KCNA3: variants seen among roughly 807,000 people sequenced by gnomAD.
KCNA3 encodes the protein RP11-284N8.3.
A neutral mutation model predicts 34.3 loss-of-function variants in KCNA3; 18 were observed. The observed-to-expected ratio is 0.52, with a 90% CI of 0.36 to 0.78. The LOEUF (loss-of-function observed/expected upper bound fraction) is 0.78. Among genes scored for constraint, KCNA3 ranks in the 30% least tolerant of loss-of-function variants. KCNA3 has a pLI of 0.00. For missense variants in KCNA3, 587 were observed against 802.5 expected (o/e 0.73, Z 3.24); for synonymous variants, 324 against 351.7 (o/e 0.92, Z 0.88).
At chr1:110,666,568 C>A in the KCNA3 span, among the ~76,000 whole-genome samples, 3 of 152,094 alleles carry the variant, frequency 2.0e-5, no homozygotes, top group Non-Finnish European at 2.9e-5. Context: ...AACAAGAAGA[C>A]CCTGAAAGAA....
chr1:110,665,185 A>G, the KCNA3 span, among the ~76,000 whole-genome samples: 1 of 152,242 alleles, frequency 6.6e-6, no homozygotes, highest in African/African-American at 2.4e-5. Flanking sequence ...AAATGTTTTT[A>G]AAGAATCACT....
the KCNA3 span, among the ~76,000 whole-genome samples, chr1:110,658,285 G>T: frequency 8.0e-4 from 122 of 152,172 alleles, no homozygotes; most frequent in African/African-American, 2.8e-3. Flanking sequence ...TCTTGGCTTT[G>T]CTACTGAAAT....
the KCNA3 span, among the ~76,000 whole-genome samples, chr1:110,665,853 G>A: frequency 2.6e-5 from 4 of 152,136 alleles, no homozygotes; most frequent in Admixed American, 2.0e-4. Flanking sequence ...AAATTGAAAT[G>A]AGAACTGAGA....
In KCNA3 at chr1:110,673,829, G is replaced by A; in HGVS notation, c.981C>T (p.Ile327=). ...TGGCCACAATGTCGATCAGGTTCAT[G>A]ATGTTTCGCGAGAAGGTGGCTTTGC... ...CPSKATFSRN[I]MNLIDIVAII... Residue 327 remains isoleucine, a synonymous_variant, in exon 1 of 1, where the codon ATC becomes ATT. Transcript: ENST00000369769. This position sits in a 1 kb window ranked among gnomAD's most constrained non-coding sequence, Gnocchi z 8.8. 2 of 1,614,168 alleles carry A rather than the reference G, an allele frequency of 1.2e-6. No individual in the cohort carries two copies. Among genetic ancestry groups the A allele is most frequent in the Non-Finnish European group, 1.7e-6 (2 of 1,180,034 alleles).
the KCNA3 span, among the ~76,000 whole-genome samples, chr1:110,659,654 T>C: frequency 6.6e-6 from 1 of 152,250 alleles, no homozygotes; most frequent in East Asian, 1.9e-4. Context: ...AGACTTTATG[T>C]CAATAGAAAA....
chr1:110,674,209 C>G lies in KCNA3; in HGVS notation c.601G>C (p.Glu201Gln). The change falls in exon 1 of 1, where the codon GAG becomes CAG. Residue 201 changes from glutamate to glutamine, a missense_variant. Coordinates refer to ENST00000369769, the MANE Select transcript of KCNA3 (RefSeq NM_002232.5). This position sits in a 1 kb window ranked among gnomAD's most constrained non-coding sequence, Gnocchi z 6.4. ...EEAMEKFREDEGFLREEERPL... is the reference protein window; with the variant it reads ...EEAMEKFREDQGFLREEERPL... ...CGCTCCTCCTCCCGCAGGAAGCCCT[C>G]GTCCTCGCGGAACTTCTCCATGGCC... 6.2e-7 allele frequency: 1 copy of G among 1,613,348 alleles called. No individual in the cohort carries two copies. Among genetic ancestry groups the G allele is most frequent in the Non-Finnish European group, 8.5e-7 (1 of 1,179,554 alleles).
downstream of KCNA3, among the ~76,000 whole-genome samples, chr1:110,671,897 A>T (rs1168944591): frequency 6.6e-6 from 1 of 152,238 alleles, no homozygotes; most frequent in African/African-American, 2.4e-5. Flanking sequence ...TATTGTGGTT[A>T]ATATCTAACA....
the KCNA3 span, among the ~76,000 whole-genome samples, chr1:110,666,215 T>C: frequency 2.6e-5 from 4 of 152,200 alleles, no homozygotes; most frequent in Non-Finnish European, 5.9e-5. Context: ...ACATAAGTAA[T>C]AGTATTTCTT....
At chr1:110,658,051 A>C in the KCNA3 span, among the ~76,000 whole-genome samples, 5 of 152,312 alleles carry the variant, frequency 3.3e-5, no homozygotes, top group African/African-American at 1.2e-4. Flanking sequence ...TTAGACTTTC[A>C]TTTTTTCCTG....
the KCNA3 span, among the ~76,000 whole-genome samples, chr1:110,657,430 C>T: frequency 3.9e-5 from 6 of 152,208 alleles, no homozygotes; most frequent in East Asian, 1.9e-4. Context: ...GAATCCAGCA[C>T]GCCCATCTTG....
At chr1:110,666,031 G>T in the KCNA3 span, among the ~76,000 whole-genome samples, 1 of 152,236 alleles carries the variant, frequency 6.6e-6, no homozygotes, top group Non-Finnish European at 1.5e-5. Flanking sequence ...GGAAGAAACA[G>T]AAATTAATCA....
chr1:110,664,230 T>C, the KCNA3 span, among the ~76,000 whole-genome samples: 1 of 152,216 alleles, frequency 6.6e-6, no homozygotes, highest in Non-Finnish European at 1.5e-5. Flanking sequence ...TTAGTCAACA[T>C]GTTTATGTTA....
downstream of KCNA3, among the ~76,000 whole-genome samples, chr1:110,669,156 C>T (rs921110207): frequency 1.2e-4 from 18 of 152,180 alleles, 1 homozygote; most frequent in African/African-American, 4.1e-4. Context: ...TTTCTTCCCT[C>T]TTAATAAGGG....
chr1:110,671,053 C>CT (rs1651871013), downstream of KCNA3, among the ~76,000 whole-genome samples: 1 of 152,026 alleles, frequency 6.6e-6, no homozygotes, highest in Admixed American at 6.6e-5. Flanking sequence ...ATTTTTAACC[C>CT]TTTTTTGTTT....
At position 110,674,320 on chromosome 1, in the gene KCNA3, G is replaced by T; in HGVS notation, c.490C>A (p.Gln164Lys). The T allele has an allele frequency of 6.2e-7, 1 of 1,614,196 alleles. No individual in the cohort carries two copies. Among genetic ancestry groups the T allele is most frequent in the Non-Finnish European group, 8.5e-7 (1 of 1,180,026 alleles). ...GGCCGGCGGATGCGGCCCCCGGACT[G>T]ATAGTAGTAGAGGATGGCGTCGAAG... is the stretch of plus-strand genomic sequence containing the variant. ...PSFDAILYYY[Q>K]SGGRIRRPVN... The change falls in exon 1 of 1, where the codon CAG becomes AAG. Residue 164 changes from glutamine (Q) to lysine (K), a missense_variant. By Grantham distance (53) the Gln-to-Lys change is moderately conservative. Coordinates refer to ENST00000369769, the MANE Select transcript of KCNA3 (RefSeq NM_002232.5). The surrounding 1 kb of genome is among the most constrained non-coding windows in gnomAD (Gnocchi z 6.4).
At chr1:110,664,498 C>T in the KCNA3 span, among the ~76,000 whole-genome samples, 1 of 152,152 alleles carries the variant, frequency 6.6e-6, no homozygotes, top group African/African-American at 2.4e-5. Context: ...TTTTGTCCTT[C>T]AGAGCATGAT....
downstream of KCNA3, among the ~76,000 whole-genome samples, chr1:110,668,755 C>T (rs188471724): frequency 9.7e-4 from 147 of 152,200 alleles, 2 homozygotes; most frequent in African/African-American, 3.5e-3. Flanking sequence ...ACATTTTTCC[C>T]CAGGGTGTTG....
chr1:110,659,698 A>G, the KCNA3 span, among the ~76,000 whole-genome samples: 146 of 152,274 alleles, frequency 9.6e-4, no homozygotes, highest in Non-Finnish European at 1.6e-3. Flanking sequence ...AATGTCCCCA[A>G]TGATAGACTG....
the KCNA3 span, among the ~76,000 whole-genome samples, chr1:110,665,429 T>C: frequency 5.9e-5 from 9 of 152,164 alleles, no homozygotes; most frequent in Non-Finnish European, 1.2e-4. Flanking sequence ...GGATTTTACT[T>C]TGAGCAACTG....
Sources: allele counts gnomAD v4.1 joint callset (sites outside exome capture counted in the v4.1 genomes callset), GRCh38; gene constraint gnomAD v4.1.1; non-coding constraint Gnocchi (gnomAD v3.1); transcripts MANE v1.5; gene names NCBI Gene and HGNC (gene_info 2026-07-23, HGNC 2026-07-21).